Variants in SMIM13 observed in about 807,000 individuals in gnomAD.
SMIM13 encodes the protein UPF0766 protein C6orf228.
SMIM13 carries 3 observed loss-of-function variants against 5.9 expected under a neutral mutation model. The ratio of observed to expected loss-of-function variants is 0.51; its 90% CI spans 0.23 to 1.31. The LOEUF (loss-of-function observed/expected upper bound fraction) is 1.31, where lower values mean the gene tolerates loss of function less well. Among genes scored for constraint, SMIM13 ranks in the 40% most tolerant of loss-of-function variants. SMIM13 has a pLI of 0.18. For synonymous variants in SMIM13, 55 were observed against 46.0 expected (o/e 1.19, Z -0.79); for missense variants, 85 against 109.9 (o/e 0.77, Z 1.01).
chr6:11,102,325 T>C (rs551145723), intron 1 of SMIM13, among the ~76,000 whole-genome samples: 1 of 152,364 alleles, frequency 6.6e-6, no homozygotes, highest in East Asian at 1.9e-4. Context: ...AAACTATCCT[T>C]AGATTAATAC....
chr6:11,123,324 C>T (rs1003942887), intron 1 of SMIM13, among the ~76,000 whole-genome samples: 2 of 152,180 alleles, frequency 1.3e-5, no homozygotes, highest in African/African-American at 2.4e-5. Flanking sequence ...CTCGTAAGGG[C>T]GCTTCCTCCC....
In SMIM13 at chr6:11,094,226, C is replaced by CCGCCGCT; in HGVS notation, c.-87_-81dup. On this transcript the variant is annotated 5_prime_UTR_variant, in exon 1 of 2. An upstream open reading frame in the 5' UTR loses its in-frame stop. Coordinates refer to ENST00000416247, the MANE Select transcript of SMIM13 (RefSeq NM_001135575.2). Reference sequence around the variant, plus strand: ...CCCGGCGCCCAGCCGCGCCTGGCGCCCGCCGCTGAAGCGCAGGACGCGCCG... The same window carrying CCGCCGCT: ...CCCGGCGCCCAGCCGCGCCTGGCGCCCGCCGCTCGCCGCTGAAGCGCAGGACGCGCCG... 1.5e-6 allele frequency: 1 copy of CCGCCGCT among 648,762 alleles called. No homozygotes were observed. Among genetic ancestry groups the CCGCCGCT allele is most frequent in the Non-Finnish European group, 2.0e-6 (1 of 512,390 alleles). 40.2% of individuals were successfully genotyped at this position (648,762 alleles called of 1,614,324 possible). A position where few individuals can be genotyped will look rare whatever the true frequency, so the allele number is the denominator to read the frequency against.
At chr6:11,114,555 T>G (rs1758211526) in intron 1 of SMIM13, among the ~76,000 whole-genome samples, 1 of 145,446 alleles carries the variant, frequency 6.9e-6, no homozygotes, top group African/African-American at 2.6e-5. Context: ...TTTTTTTTAA[T>G]GATTTTTCTG....
chr6:11,131,850 C>T (rs781342624), intron 1 of SMIM13, among the ~76,000 whole-genome samples: 4 of 151,990 alleles, frequency 2.6e-5, no homozygotes, highest in Admixed American at 6.6e-5. Flanking sequence ...ATCTTCATGA[C>T]GTAGGATTGG....
At chr6:11,107,957 C>T (rs897438273) in intron 1 of SMIM13, among the ~76,000 whole-genome samples, 18 of 152,168 alleles carry the variant, frequency 1.2e-4, no homozygotes, top group Admixed American at 5.9e-4. Flanking sequence ...CCTGTTATTC[C>T]TGAGGCCCAG....
intron 1 of SMIM13, among the ~76,000 whole-genome samples, chr6:11,114,019 G>T (rs376512097): frequency 2.8e-5 from 4 of 145,012 alleles, no homozygotes; most frequent in Non-Finnish European, 4.5e-5. Flanking sequence ...TCACTCTGTC[G>T]CCCAGGCTGG....
At chr6:11,094,438 A>C in intron 1 of SMIM13, 49 bp downstream of exon 1, 1 of 1,397,802 alleles carries the variant, frequency 7.2e-7, no homozygotes, top group Non-Finnish European at 9.7e-7. Flanking sequence ...CGGGTCGCTG[A>C]TCTGCTGGGG....
intron 1 of SMIM13, among the ~76,000 whole-genome samples, chr6:11,121,571 C>T (rs548927737): frequency 3.3e-5 from 5 of 152,172 alleles, no homozygotes; most frequent in East Asian, 1.9e-4. Flanking sequence ...GCCTCTCCCC[C>T]TCCCAACACA....
chr6:11,101,101 C>T (rs1178874478), intron 1 of SMIM13, among the ~76,000 whole-genome samples: 14 of 134,382 alleles, frequency 1.0e-4, no homozygotes, highest in African/African-American at 3.9e-4. Context: ...TGGGTTGATT[C>T]TTTAATTTTA....
At chr6:11,094,435 C>G in intron 1 of SMIM13, 46 bp downstream of exon 1, 1 of 1,416,854 alleles carries the variant, frequency 7.1e-7, no homozygotes, top group Non-Finnish European at 9.6e-7. Flanking sequence ...CGCCGGGTCG[C>G]TGATCTGCTG....
intron 1 of SMIM13, chr6:11,102,582 G>A (rs751615137): frequency 2.0e-5 from 3 of 152,172 alleles, no homozygotes; most frequent in Non-Finnish European, 2.9e-5. Flanking sequence ...GAGGTACAAG[G>A]GGGAAAATTT....
At chr6:11,126,041 T>G (rs1758372621) in intron 1 of SMIM13, among the ~76,000 whole-genome samples, 1 of 152,138 alleles carries the variant, frequency 6.6e-6, no homozygotes, top group Non-Finnish European at 1.5e-5. Flanking sequence ...TGACTGCATA[T>G]TTTCATTTAT....
intron 1 of SMIM13, among the ~76,000 whole-genome samples, chr6:11,114,202 C>T (rs1168127009): frequency 1.3e-5 from 2 of 151,738 alleles, no homozygotes; most frequent in African/African-American, 2.4e-5. Context: ...CTTGTCTCAA[C>T]CTCCTGATCT....
intron 1 of SMIM13, among the ~76,000 whole-genome samples, chr6:11,108,561 A>G (rs551259041): frequency 6.6e-6 from 1 of 152,316 alleles, no homozygotes; most frequent in African/African-American, 2.4e-5. Flanking sequence ...GGCTCCCCAC[A>G]GAAGTAGCAT....
At chr6:11,132,608 A>C (rs1013822625) in intron 1 of SMIM13, among the ~76,000 whole-genome samples, 1 of 152,224 alleles carries the variant, frequency 6.6e-6, no homozygotes, top group Non-Finnish European at 1.5e-5. Context: ...GAAATGAAGT[A>C]CTGATGCTTA....
intron 1 of SMIM13, among the ~76,000 whole-genome samples, chr6:11,106,076 G>A (rs968583590): frequency 3.9e-5 from 6 of 152,194 alleles, no homozygotes; most frequent in African/African-American, 1.4e-4. Context: ...GCAGAGTGAA[G>A]CTTTATGTCC....
intron 1 of SMIM13, among the ~76,000 whole-genome samples, chr6:11,134,002 C>T (rs1012202595): frequency 6.6e-6 from 1 of 151,752 alleles, no homozygotes; most frequent in African/African-American, 2.4e-5. Flanking sequence ...GGATTCTGAT[C>T]GAAACAAACT....
At chr6:11,117,198 C>G (rs1236509280) in intron 1 of SMIM13, among the ~76,000 whole-genome samples, 1 of 127,220 alleles carries the variant, frequency 7.9e-6, no homozygotes, top group Non-Finnish European at 1.7e-5. Flanking sequence ...GAGTCTCGCT[C>G]TGTCGCCCAG....
At chr6:11,134,284 T>G in intron 1 of SMIM13, 119 bp from the exon 2 acceptor site, 1 of 631,454 alleles carries the variant, frequency 1.6e-6, no homozygotes, top group Non-Finnish European at 2.6e-6. Context: ...CATTATATAT[T>G]TGTAATTATG....
Sources: gnomAD v4.1 joint callset for allele counts (sites outside exome capture counted in the v4.1 genomes callset) on GRCh38, gnomAD v4.1.1 for gene constraint, MANE v1.5 for transcripts, NCBI Gene and HGNC (gene_info 2026-07-23, HGNC 2026-07-21) for gene names.